C1orf74: variants seen among roughly 807,000 people sequenced by gnomAD.
C1orf74 encodes UPF0739 protein C1orf74.
In C1orf74, 5 loss-of-function variants were observed where a neutral mutation model predicts 7.3. That is an observed-to-expected ratio of 0.68 (90% CI 0.36 to 1.44). The LOEUF is 1.44. Ranked by LOEUF, C1orf74 falls within the 40% of genes most tolerant of loss-of-function variation. The probability of loss-of-function intolerance (pLI) is 0.04; values close to 1 mark genes in which losing one functional copy is unlikely to be tolerated. For synonymous variants in C1orf74, 121 were observed against 132.5 expected (o/e 0.91, Z 0.59); for missense variants, 291 against 314.3 (o/e 0.93, Z 0.56).
chr1:209,780,616 T>C lies in C1orf74; in HGVS notation c.*2209A>G, dbSNP rs1473186668. The C allele has an allele frequency of 1.9e-6, 3 of 1,565,142 alleles. No individual in the cohort carries two copies. Among genetic ancestry groups the C allele is most frequent in the Non-Finnish European group, 2.6e-6 (3 of 1,152,308 alleles). Reference sequence around the variant, plus strand: ...GGCCAAGGAAAAGGAGGTGAGAGGGTGACCTGAGATAGTGAGGGCTCATTT... The same window carrying C: ...GGCCAAGGAAAAGGAGGTGAGAGGGCGACCTGAGATAGTGAGGGCTCATTT... On this transcript the variant is annotated 3_prime_UTR_variant, in exon 2 of 2. Coordinates refer to ENST00000294811, the MANE Select transcript of C1orf74 (RefSeq NM_152485.4).
rs1055527762 is a variant in C1orf74 at position 209,781,622 on chromosome 1, C to T, written c.*1203G>A. On this transcript the variant is annotated 3_prime_UTR_variant, in exon 2 of 2. Coordinates refer to ENST00000294811, the MANE Select transcript of C1orf74 (RefSeq NM_152485.4). ...ACATTATGGCAACCATTGAAAAAAA[C>T]ACTGGCTCGTCCATCAAAGCCCAAC... is the stretch of plus-strand genomic sequence containing the variant. The T allele has an allele frequency of 3.3e-5, 18 of 538,012 alleles. No individual in the cohort carries two copies. Among genetic ancestry groups the T allele is most frequent in the Non-Finnish European group, 4.3e-5 (13 of 299,990 alleles). 33.3% of individuals were successfully genotyped at this position (538,012 alleles called of 1,614,324 possible). A position where few individuals can be genotyped will look rare whatever the true frequency, so the allele number is the denominator to read the frequency against.
Position 209,780,848 on chromosome 1 carries a change from C to A in C1orf74, c.*1977G>T. On this transcript the variant is annotated 3_prime_UTR_variant, in exon 2 of 2. Coordinates refer to ENST00000294811, the MANE Select transcript of C1orf74 (RefSeq NM_152485.4). ...ACCTTTTAGAAAGTCGACCAAAACT[C>A]AAACACATTTAATAAAAATATTAAC... 1 of 277,964 alleles carries A rather than the reference C, an allele frequency of 3.6e-6. No homozygotes were observed. 17.2% of individuals were successfully genotyped at this position (277,964 alleles called of 1,614,324 possible).
chr1:209,783,232 A>C lies in C1orf74; in HGVS notation c.403T>G (p.Leu135Val). The change falls in exon 2 of 2, where the codon TTG (leucine) becomes GTG (valine). Residue 135 changes from leucine to valine, a missense_variant. Leu to Val is a conservative substitution (Grantham distance 32). Transcript: ENST00000294811. ...ATGATCTCAGCCACGAGGGCCTTCA[A>C]GTCCTGAAGCTGGTCCAGGGAGCAG... ...SVCSLDQLQDLKALVAEIITH... is the reference protein window; with the variant it reads ...SVCSLDQLQDVKALVAEIITH... 1 of 1,614,170 alleles carries C rather than the reference A, an allele frequency of 6.2e-7. No individual in the cohort carries two copies. The highest frequency in any genetic ancestry group is 8.5e-7 in the Non-Finnish European group (1 of 1,180,034).
Position 209,781,931 on chromosome 1 carries a change from A to C in C1orf74, c.*894T>G, listed in dbSNP as rs2077790483. On this transcript the variant is annotated 3_prime_UTR_variant, in exon 2 of 2. Transcript: ENST00000294811. ...TGACAAAATGGGAGACAGAGTAAAA[A>C]GCTTTTTCTCCACCACCAACCCAGC... The C allele has an allele frequency of 1.4e-6, 1 of 706,148 alleles. No homozygotes were observed. The highest frequency in any genetic ancestry group is 1.8e-5 in the African/African-American group (1 of 56,446). The allele number at this position is 706,148 out of a possible 1,614,324, so 43.7% of individuals were successfully genotyped here. A position where few individuals can be genotyped will look rare whatever the true frequency, so the allele number is the denominator to read the frequency against.
rs1249821207 is a variant in C1orf74 at position 209,784,393 on chromosome 1, C to T, written c.-91G>A. The T allele has an allele frequency of 6.6e-6, 1 of 152,274 alleles. No individual in the cohort carries two copies. The highest frequency in any genetic ancestry group is 1.9e-4 in the East Asian group (1 of 5,204). The allele number at this position is 152,274 out of a possible 1,614,324, so 9.4% of individuals were successfully genotyped here. ...TCTCACATACGTTCTTTTTCCACGT[C>T]CGCTACAGGTTCGGGGGCTCAGAAA... On this transcript the variant is annotated 5_prime_UTR_variant, in exon 1 of 2. Coordinates refer to ENST00000294811, the MANE Select transcript of C1orf74 (RefSeq NM_152485.4).
chr1:209,780,435 C>T lies in C1orf74; in HGVS notation c.*2390G>A. The T allele has an allele frequency of 1.3e-6, 2 of 1,517,962 alleles. No homozygotes were observed. Among genetic ancestry groups the T allele is most frequent in the Non-Finnish European group, 1.8e-6 (2 of 1,124,772 alleles). The allele number at this position is 1,517,962 out of a possible 1,614,324, so 94.0% of individuals were successfully genotyped here. ...CAGGGCCCTTCCTCAGAGGTGTGGG[C>T]CTCACTGTCACCAAGAATCTGGCTG... On this transcript the variant is annotated 3_prime_UTR_variant, in exon 2 of 2. Coordinates refer to ENST00000294811, the MANE Select transcript of C1orf74 (RefSeq NM_152485.4).
chr1:209,780,889 C>A lies in C1orf74; in HGVS notation c.*1936G>T, dbSNP rs181567323. On this transcript the variant is annotated 3_prime_UTR_variant, in exon 2 of 2. Transcript: ENST00000294811. ...AAATATTAACTTCTCAATATGTCGT[C>A]CCACATTGAGTATCTTAAGTCTTTA... 6 of 212,896 alleles carry A rather than the reference C, an allele frequency of 2.8e-5. No individual in the cohort carries two copies. The Admixed American group carries it at 3.4e-4, about 12-fold the overall frequency. The allele number at this position is 212,896 out of a possible 1,614,324, so 13.2% of individuals were successfully genotyped here.
Position 209,779,480 on chromosome 1 carries a change from G to T in C1orf74, c.*3345C>A. ...CTCCTGGAGTCCCAGCCAGTTCTGG[G>T]AGTCTGTTAAGTCCGGGATGTGTGG... On this transcript the variant is annotated 3_prime_UTR_variant, in exon 2 of 2. Transcript: ENST00000294811. 1.0e-6 allele frequency: 1 copy of T among 974,830 alleles called. No homozygotes were observed. Among genetic ancestry groups the T allele is most frequent in the Non-Finnish European group, 1.6e-6 (1 of 608,804 alleles). The allele number at this position is 974,830 out of a possible 1,614,324, so 60.4% of individuals were successfully genotyped here.
chr1:209,780,798 C>T lies in C1orf74; in HGVS notation c.*2027G>A, dbSNP rs950395772. 1.5e-5 allele frequency: 6 copies of T among 395,170 alleles called. No individual in the cohort carries two copies. The highest frequency in any genetic ancestry group is 4.6e-5 in the Admixed American group (1 of 21,624). 24.5% of individuals were successfully genotyped at this position (395,170 alleles called of 1,614,324 possible). A position where few individuals can be genotyped will look rare whatever the true frequency, so the allele number is the denominator to read the frequency against. On this transcript the variant is annotated 3_prime_UTR_variant, in exon 2 of 2. Coordinates refer to ENST00000294811, the MANE Select transcript of C1orf74 (RefSeq NM_152485.4). ...TTCCCTTCCTTATTTATACCAACTC[C>T]TATTCAAGGTTTTATTAAATGATTA...
At position 209,780,253 on chromosome 1, in the gene C1orf74, A is replaced by C. The variant is rs1436302618; in HGVS notation, c.*2572T>G. On this transcript the variant is annotated 3_prime_UTR_variant, in exon 2 of 2. Coordinates refer to ENST00000294811, the MANE Select transcript of C1orf74 (RefSeq NM_152485.4). The stretch of plus-strand genomic sequence containing the variant: ...ACTGGGGATACAAAGAAAAGATCCC[A>C]ATCTTGCCCTCAAGGAGCTCAGATT... 4 of 365,426 alleles carry C rather than the reference A, an allele frequency of 1.1e-5. No homozygotes were observed. The South Asian group carries it at 3.9e-4, about 35-fold the overall frequency. The allele number at this position is 365,426 out of a possible 1,614,324, so 22.6% of individuals were successfully genotyped here.
Position 209,780,238 on chromosome 1 carries a change from CAAAGA to C in C1orf74, c.*2582_*2586del. ...CTAGCACTAGATAAGACTGGGGATA[CAAAGA>C]AAAGATCCCAATCTTGCCCTCAAGG... On this transcript the variant is annotated 3_prime_UTR_variant, in exon 2 of 2. Coordinates refer to ENST00000294811, the MANE Select transcript of C1orf74 (RefSeq NM_152485.4). 1 of 329,652 alleles carries C rather than the reference CAAAGA, an allele frequency of 3.0e-6. No individual in the cohort carries two copies. Among genetic ancestry groups the C allele is most frequent in the Non-Finnish European group, 5.5e-6 (1 of 182,704 alleles). The allele number at this position is 329,652 out of a possible 1,614,324, so 20.4% of individuals were successfully genotyped here.
Position 209,779,631 on chromosome 1 carries a change from T to G in C1orf74, c.*3194A>C. The stretch of plus-strand genomic sequence containing the variant: ...GAAAGCACATGTCTGTGTTGAACAT[T>G]TCAATAAATTTATTTTGAACTCAGG... On this transcript the variant is annotated 3_prime_UTR_variant, in exon 2 of 2. Transcript: ENST00000294811. 1 of 609,158 alleles carries G rather than the reference T, an allele frequency of 1.6e-6. No homozygotes were observed. The highest frequency in any genetic ancestry group is 2.9e-6 in the Non-Finnish European group (1 of 340,832). The allele number at this position is 609,158 out of a possible 1,614,324, so 37.7% of individuals were successfully genotyped here.
chr1:209,780,211 A>G lies in C1orf74; in HGVS notation c.*2614T>C, dbSNP rs74500991. 5.8e-3 allele frequency: 1,545 copies of G among 267,414 alleles called. 33 individuals are homozygous for G. Among genetic ancestry groups the G allele is most frequent in the African/African-American group, 0.032 (1,443 of 45,538 alleles). The allele number at this position is 267,414 out of a possible 1,614,324, so 16.6% of individuals were successfully genotyped here. A position where few individuals can be genotyped will look rare whatever the true frequency, so the allele number is the denominator to read the frequency against. ...CAATTAAGAAGTATTCACTAAAACT[A>G]TCTAGCACTAGATAAGACTGGGGAT... On this transcript the variant is annotated 3_prime_UTR_variant, in exon 2 of 2. Transcript: ENST00000294811.
chr1:209,779,730 CCA>C lies in C1orf74; in HGVS notation c.*3093_*3094del, dbSNP rs1558032360. 1.8e-6 allele frequency: 1 copy of C among 570,898 alleles called. No individual in the cohort carries two copies. The highest frequency in any genetic ancestry group is 1.9e-5 in the African/African-American group (1 of 53,338). The allele number at this position is 570,898 out of a possible 1,614,324, so 35.4% of individuals were successfully genotyped here. A position where few individuals can be genotyped will look rare whatever the true frequency, so the allele number is the denominator to read the frequency against. On this transcript the variant is annotated 3_prime_UTR_variant, in exon 2 of 2. Transcript: ENST00000294811. ...CCCCAGCCCCAAACCACATAGCAGT[CCA>C]GAGTCAACTCACTGTTAGCCCTAGA...
At position 209,780,581 on chromosome 1, in the gene C1orf74, T is replaced by C; in HGVS notation, c.*2244A>G. ...AGAGACCAGCTGCAAAAGAAGACTTTGCAGCTCCAGGCCAAGGAAAAGGAG... is the reference window on the plus strand; with the variant it reads ...AGAGACCAGCTGCAAAAGAAGACTTCGCAGCTCCAGGCCAAGGAAAAGGAG... On this transcript the variant is annotated 3_prime_UTR_variant, in exon 2 of 2. Coordinates refer to ENST00000294811, the MANE Select transcript of C1orf74 (RefSeq NM_152485.4). 1.3e-6 allele frequency: 2 copies of C among 1,595,864 alleles called. No individual in the cohort carries two copies. The highest frequency in any genetic ancestry group is 1.7e-6 in the Non-Finnish European group (2 of 1,169,836).
rs1558034023 is a variant in C1orf74, at chr1:209,781,368, AG to A, written c.*1456del. On this transcript the variant is annotated 3_prime_UTR_variant, in exon 2 of 2. Coordinates refer to ENST00000294811, the MANE Select transcript of C1orf74 (RefSeq NM_152485.4). Reference sequence around the variant, plus strand: ...AGTGCAGAGAACTGCATTCAGAATTAGACAACCTCAGTGACGAGTATCTCTC... The same window carrying A: ...AGTGCAGAGAACTGCATTCAGAATTAACAACCTCAGTGACGAGTATCTCTC... 2 of 1,613,168 alleles carry A rather than the reference AG, an allele frequency of 1.2e-6. No homozygotes were observed. Among genetic ancestry groups the A allele is most frequent in the Non-Finnish European group, 1.7e-6 (2 of 1,179,344 alleles).
chr1:209,783,591 A>G lies in C1orf74; in HGVS notation c.44T>C (p.Leu15Pro). Residue 15 changes from leucine to proline, a missense_variant, in exon 2 of 2, where the codon CTG becomes CCG. Leu to Pro is a moderately conservative substitution (Grantham distance 98, BLOSUM62 -3). Coordinates refer to ENST00000294811, the MANE Select transcript of C1orf74 (RefSeq NM_152485.4). ...AAGGGTCTGCTGAGCAGCTGCCACC[A>G]GCAGCTGAGGGCTCGGTGATGACAT... The part of the protein sequence containing the change: ...DLMSSPSPQL[L>P]VAAAQQTLGM... The G allele has an allele frequency of 8.1e-6, 13 of 1,611,066 alleles. No individual in the cohort carries two copies. Among genetic ancestry groups the G allele is most frequent in the Non-Finnish European group, 1.1e-5 (13 of 1,178,764 alleles).
At chr1:209,783,768 T>C in intron 1 of C1orf74, 59 bp from the exon 2 acceptor site, 4 of 729,428 alleles carry the variant, frequency 5.5e-6, no homozygotes, top group Non-Finnish European at 6.8e-6. Flanking sequence ...TCGCGGTATC[T>C]TCCAAAGGTT....
In C1orf74 at chr1:209,783,562, T is replaced by C. The variant is rs747181781; in HGVS notation, c.73A>G (p.Met25Val). ...TGGGGTGGACTCCGTCTCTTTCCCA[T>C]GCCAAGGGTCTGCTGAGCAGCTGCC... ...LVAAAQQTLG[M>V]GKRRSPPQAI... Residue 25 changes from methionine to valine, a missense_variant, in exon 2 of 2, where the codon ATG (methionine) becomes GTG (valine). Transcript: ENST00000294811. 8.7e-6 allele frequency: 14 copies of C among 1,613,980 alleles called. No individual in the cohort carries two copies. The highest frequency in any genetic ancestry group is 1.7e-5 in the Admixed American group (1 of 60,002).
Sources: gnomAD v4.1 joint callset for allele counts on GRCh38, gnomAD v4.1.1 for gene constraint, MANE v1.5 for transcripts, NCBI Gene and HGNC (gene_info 2026-07-23, HGNC 2026-07-21) for gene names.